The following SULF2 variants were observed in gnomAD, a reference collection of about 807,000 sequenced individuals.
The protein encoded by SULF2 is sulfatase 2, also known as extracellular sulfatase Sulf-2.
A neutral mutation model predicts 107.7 loss-of-function variants in SULF2; 52 were observed. The observed-to-expected ratio is 0.48, with a 90% CI of 0.39 to 0.61. SULF2 has a LOEUF of 0.61. Among genes scored for constraint, SULF2 ranks in the 20% least tolerant of loss-of-function variants. The pLI, the probability that SULF2 is intolerant of heterozygous loss-of-function variation, is 0.00. For synonymous variants in SULF2, 460 were observed against 464.3 expected, an observed-to-expected ratio of 0.99 and a Z score of 0.12; for missense variants, 993 against 1,177.3, an observed-to-expected ratio of 0.84 and a Z score of 2.29.
At chr20:47,736,042 G>A (rs1301457233) in intron 3 of SULF2, among the ~76,000 whole-genome samples, 1 of 152,196 alleles carries the variant, frequency 6.6e-6, no homozygotes, top group African/African-American at 2.4e-5. Flanking sequence ...ATTGAGTCTG[G>A]AGGGTTTTGC....
intron 2 of SULF2, among the ~76,000 whole-genome samples, chr20:47,746,400 G>T (rs963548279): frequency 6.6e-6 from 1 of 152,194 alleles, no homozygotes; most frequent in Non-Finnish European, 1.5e-5. Context: ...CTGACCTCTG[G>T]CTACTGGTGT....
At chr20:47,777,145 T>C (rs2090739450) in intron 1 of SULF2, among the ~76,000 whole-genome samples, 1 of 152,198 alleles carries the variant, frequency 6.6e-6, no homozygotes, top group Admixed American at 6.5e-5. Context: ...CAGAGAGTGA[T>C]AAGTGTTATA....
chr20:47,720,903 A>T (rs1479753245), intron 3 of SULF2, among the ~76,000 whole-genome samples: 1 of 152,230 alleles, frequency 6.6e-6, no homozygotes, highest in Non-Finnish European at 1.5e-5. Flanking sequence ...ATAAATGAAA[A>T]GGAAGCCCTT....
chr20:47,695,944 AT>A (rs1233153607), intron 4 of SULF2, among the ~76,000 whole-genome samples: 8 of 152,196 alleles, frequency 5.3e-5, no homozygotes, highest in Non-Finnish European at 1.0e-4. Context: ...AATGACATTC[AT>A]TTTTGTATAT....
chr20:47,774,973 T>C (rs1251043449), intron 1 of SULF2, among the ~76,000 whole-genome samples: 1 of 152,192 alleles, frequency 6.6e-6, no homozygotes, highest in Non-Finnish European at 1.5e-5. Context: ...TCCCCAGAAT[T>C]TCCTCAGTTC....
chr20:47,729,027 G>A (rs1306173964), intron 3 of SULF2, among the ~76,000 whole-genome samples: 2 of 152,234 alleles, frequency 1.3e-5, no homozygotes, highest in African/African-American at 4.8e-5. Flanking sequence ...GTGGTGATGG[G>A]GGCACTGGTG....
chr20:47,668,703 C>G (rs1568788319), intron 11 of SULF2, among the ~76,000 whole-genome samples: 1 of 152,194 alleles, frequency 6.6e-6, no homozygotes, highest in Non-Finnish European at 1.5e-5. Flanking sequence ...TGGTGTGGAC[C>G]AGCTACTGCA....
At chr20:47,682,698 C>T (rs951520988) in intron 7 of SULF2, among the ~76,000 whole-genome samples, 3 of 152,208 alleles carry the variant, frequency 2.0e-5, no homozygotes, top group African/African-American at 7.2e-5. Context: ...AATCCAAGCA[C>T]CATTCCCACC....
intron 7 of SULF2, among the ~76,000 whole-genome samples, chr20:47,682,738 C>T (rs527903928): frequency 2.0e-4 from 30 of 152,312 alleles, no homozygotes; most frequent in African/African-American, 5.5e-4. Context: ...CGCGCACACA[C>T]GTATACAGCC....
intron 3 of SULF2, among the ~76,000 whole-genome samples, chr20:47,730,166 G>A (rs1210557114): frequency 8.5e-5 from 13 of 152,162 alleles, no homozygotes; most frequent in Admixed American, 3.9e-4. Flanking sequence ...GGCGCTCAGG[G>A]CCAAACCCCA....
intron 14 of SULF2, 131 bp downstream of exon 14, chr20:47,665,065 ATTT>A: frequency 1.4e-6 from 1 of 718,716 alleles, no homozygotes; most frequent in Admixed American, 2.2e-5. Context: ...TAAATTACGG[ATTT>A]TTTTAATGCC....
chr20:47,713,347 C>A (rs1197412759), intron 3 of SULF2, among the ~76,000 whole-genome samples: 2 of 152,056 alleles, frequency 1.3e-5, no homozygotes, highest in African/African-American at 4.8e-5. Flanking sequence ...CTCCTCCCCC[C>A]GTAAAGAATG....
intron 1 of SULF2, among the ~76,000 whole-genome samples, chr20:47,779,294 G>C (rs547778616): frequency 4.0e-4 from 61 of 152,206 alleles, no homozygotes; most frequent in Non-Finnish European, 6.6e-4. Flanking sequence ...TCTCCGGATA[G>C]TGTTAAAATG....
chr20:47,760,131 G>A (rs2090386440), intron 1 of SULF2, among the ~76,000 whole-genome samples: 1 of 152,180 alleles, frequency 6.6e-6, no homozygotes, highest in African/African-American at 2.4e-5. Context: ...ACCCTCCATG[G>A]ACACCAACGA....
At chr20:47,699,082 T>C (rs140209059) in intron 4 of SULF2, among the ~76,000 whole-genome samples, 66 of 152,054 alleles carry the variant, frequency 4.3e-4, no homozygotes, top group African/African-American at 1.3e-3. Flanking sequence ...AGCTTGGAGG[T>C]TGAAATGGCT....
At chr20:47,777,755 C>T (rs144497464) in intron 1 of SULF2, among the ~76,000 whole-genome samples, 2 of 152,236 alleles carry the variant, frequency 1.3e-5, no homozygotes, top group South Asian at 2.1e-4. Context: ...GTATCTGTCT[C>T]GAGAGCAGAC....
At chr20:47,730,956 T>A (rs1232380290) in intron 3 of SULF2, among the ~76,000 whole-genome samples, 2 of 152,052 alleles carry the variant, frequency 1.3e-5, no homozygotes, top group African/African-American at 4.8e-5. Context: ...GTGCTTTATA[T>A]GATGATTGGC....
chr20:47,724,221 A>T (rs2183794), intron 3 of SULF2, among the ~76,000 whole-genome samples: 101,524 of 152,174 alleles, frequency 0.67, 34,634 homozygotes, highest in Middle Eastern at 0.79. Context: ...CAGGTTTACA[A>T]TTTTTAAAAG....
intron 1 of SULF2, among the ~76,000 whole-genome samples, chr20:47,759,342 G>A (rs916555977): frequency 6.6e-6 from 1 of 152,102 alleles, no homozygotes; most frequent in Admixed American, 6.5e-5. Flanking sequence ...TCTTTCTGTC[G>A]AATGGACAAG....
Sources: gnomAD v4.1 joint callset for allele counts (sites outside exome capture counted in the v4.1 genomes callset) on GRCh38, gnomAD v4.1.1 for gene constraint, MANE v1.5 for transcripts, NCBI Gene and HGNC (gene_info 2026-07-23, HGNC 2026-07-21) for gene names.